The following KIAA1217 variants were observed in gnomAD, a reference collection of about 807,000 sequenced individuals.
KIAA1217 encodes the protein sickle tail protein homolog.
A neutral mutation model predicts 163.9 loss-of-function variants in KIAA1217; 88 were observed. That is an observed-to-expected ratio of 0.54 (90% CI 0.45 to 0.64). The LOEUF is 0.64. Among genes scored for constraint, KIAA1217 ranks in the 30% least tolerant of loss-of-function variants. KIAA1217 has a pLI of 0.00. For missense variants in KIAA1217, 2,372 were observed against 2,475.0 expected (o/e 0.96, Z 0.88); for synonymous variants, 903 against 923.1 (o/e 0.98, Z 0.39).
At chr10:24,444,984 T>A (rs2060803649) in intron 5 of KIAA1217, among the ~76,000 whole-genome samples, 1 of 152,234 alleles carries the variant, frequency 6.6e-6, no homozygotes, top group Non-Finnish European at 1.5e-5. Flanking sequence ...GTATAGGAAC[T>A]CTATTAATTT....
intron 1 of KIAA1217, among the ~76,000 whole-genome samples, chr10:23,696,833 C>T (rs1836076968): frequency 6.6e-6 from 1 of 152,206 alleles, no homozygotes; most frequent in African/African-American, 2.4e-5. Flanking sequence ...GAGACCACCA[C>T]TGCACCTGCA....
intron 2 of KIAA1217, among the ~76,000 whole-genome samples, chr10:24,078,883 C>T (rs1423579579): frequency 6.6e-6 from 1 of 152,212 alleles, no homozygotes; most frequent in Admixed American, 6.5e-5. Flanking sequence ...AATCCTCCTT[C>T]TGTTTAAACC....
Position 24,381,036 on chromosome 10 carries a change from G to A in KIAA1217, c.522G>A (p.Arg174=). 1 of 1,590,740 alleles carries A rather than the reference G, an allele frequency of 6.3e-7. No homozygotes were observed. The highest frequency in any genetic ancestry group is 8.6e-7 in the Non-Finnish European group (1 of 1,167,118). Residue 174 remains arginine, a synonymous_variant, in exon 3 of 21, where the codon AGG becomes AGA. Coordinates refer to ENST00000376454, the MANE Select transcript of KIAA1217 (RefSeq NM_019590.5). ...CTCGTGCGAGCCTTCCTGTGGTGAG[G>A]TCAACCAACCAGACGAAAGAAAGAT... ...SRTRASLPVV[R]STNQTKERSL...
chr10:24,342,514 A>G (rs1016467063), intron 2 of KIAA1217, among the ~76,000 whole-genome samples: 1 of 152,172 alleles, frequency 6.6e-6, no homozygotes, highest in African/African-American at 2.4e-5. Flanking sequence ...TGGCATATGC[A>G]TATCCCAGTA....
chr10:24,508,496 T>C (rs2068665578), intron 9 of KIAA1217, among the ~76,000 whole-genome samples: 1 of 152,206 alleles, frequency 6.6e-6, no homozygotes, highest in Non-Finnish European at 1.5e-5. Context: ...AAGTTCAGTA[T>C]GGCTAGAGAA....
intron 2 of KIAA1217, among the ~76,000 whole-genome samples, chr10:24,063,257 G>C (rs1319189118): frequency 1.3e-5 from 2 of 152,128 alleles, no homozygotes; most frequent in Non-Finnish European, 2.9e-5. Context: ...TTCTTCTAGG[G>C]TTTTTATGGT....
At chr10:24,515,339 A>T (rs2069925801) in intron 10 of KIAA1217, among the ~76,000 whole-genome samples, 1 of 152,142 alleles carries the variant, frequency 6.6e-6, no homozygotes, top group South Asian at 2.1e-4. Context: ...AAGTGTTGGG[A>T]TTACAGGCAT....
chr10:24,478,440 A>C (rs2064277435), intron 6 of KIAA1217, among the ~76,000 whole-genome samples: 1 of 152,244 alleles, frequency 6.6e-6, no homozygotes. Flanking sequence ...TCTGAAGAAC[A>C]CAGTGTCTAT....
intron 2 of KIAA1217, among the ~76,000 whole-genome samples, chr10:24,322,894 T>C (rs2044359712): frequency 3.3e-5 from 5 of 152,252 alleles, no homozygotes. Flanking sequence ...AGAAGTTTGA[T>C]AGAGTGATTT....
At chr10:24,412,696 C>T (rs1211629539) in intron 3 of KIAA1217, among the ~76,000 whole-genome samples, 1 of 152,204 alleles carries the variant, frequency 6.6e-6, no homozygotes, top group African/African-American at 2.4e-5. Flanking sequence ...CATCCATAGA[C>T]ACTGGCTTCT....
intron 1 of KIAA1217, among the ~76,000 whole-genome samples, chr10:23,841,827 C>CT (rs946474049): frequency 3.7e-5 from 5 of 133,492 alleles, no homozygotes; most frequent in African/African-American, 8.8e-5. Flanking sequence ...ACCATTGGGA[C>CT]TTTATTTTAT....
chr10:23,964,170 A>G (rs543700183), intron 1 of KIAA1217, among the ~76,000 whole-genome samples: 7 of 151,826 alleles, frequency 4.6e-5, no homozygotes, highest in Middle Eastern at 3.4e-3. Flanking sequence ...CCAAAGTGCT[A>G]GGATTACAGG....
intron 2 of KIAA1217, among the ~76,000 whole-genome samples, chr10:24,101,694 C>A (rs975256956): frequency 6.6e-6 from 1 of 152,020 alleles, no homozygotes; most frequent in Non-Finnish European, 1.5e-5. Flanking sequence ...ATTGTTAGGT[C>A]GTTTTTGCTT....
At chr10:24,494,784 T>C (rs1194522769) in intron 7 of KIAA1217, among the ~76,000 whole-genome samples, 180 bp downstream of exon 7, 2 of 152,206 alleles carry the variant, frequency 1.3e-5, no homozygotes, top group Non-Finnish European at 2.9e-5. Flanking sequence ...TTTTTTTCTT[T>C]CCTCCTTCTG....
intron 2 of KIAA1217, among the ~76,000 whole-genome samples, chr10:24,112,657 TCA>T (rs1302267468): frequency 1.3e-5 from 2 of 152,144 alleles, no homozygotes; most frequent in Non-Finnish European, 2.9e-5. Flanking sequence ...CAATCTCGGC[TCA>T]CTGCAAGCTC....
intron 2 of KIAA1217, among the ~76,000 whole-genome samples, chr10:24,233,438 A>C (rs1315032352): frequency 6.6e-6 from 1 of 152,198 alleles, no homozygotes; most frequent in Non-Finnish European, 1.5e-5. Context: ...TTTCAACATG[A>C]GATTTGGAGG....
At chr10:24,315,173 C>T (rs2043197314) in intron 2 of KIAA1217, among the ~76,000 whole-genome samples, 1 of 152,102 alleles carries the variant, frequency 6.6e-6, no homozygotes. Flanking sequence ...GGGTGCAAGA[C>T]AGCACAGAAA....
intron 1 of KIAA1217, among the ~76,000 whole-genome samples, chr10:23,992,861 G>A (rs369399906): frequency 2.6e-5 from 4 of 151,648 alleles, no homozygotes; most frequent in East Asian, 1.9e-4. Context: ...AGGGTGGCAG[G>A]AGGAAGAAAG....
chr10:23,833,464 C>G (rs984599140), intron 1 of KIAA1217, among the ~76,000 whole-genome samples: 2 of 146,858 alleles, frequency 1.4e-5, no homozygotes, highest in African/African-American at 5.1e-5. Flanking sequence ...GGCTGGATGA[C>G]AGAGTGAGAC....
Sources: gnomAD v4.1 joint callset for allele counts (sites outside exome capture counted in the v4.1 genomes callset) on GRCh38, gnomAD v4.1.1 for gene constraint, MANE v1.5 for transcripts, NCBI Gene and HGNC (gene_info 2026-07-23, HGNC 2026-07-21) for gene names.